Variants in ERC2 observed in about 807,000 individuals in gnomAD.
ERC2 encodes the protein ELKS/RAB6-interacting/CAST family member 2.
Under a neutral mutation model 114.8 loss-of-function variants are expected in ERC2, and 42 were observed. The ratio of observed to expected loss-of-function variants is 0.37; its 90% confidence interval spans 0.29 to 0.47. The LOEUF (loss-of-function observed/expected upper bound fraction) is 0.47. Ranked by LOEUF, ERC2 falls within the 20% of genes least tolerant of loss-of-function variation. The pLI, the probability that ERC2 is intolerant of heterozygous loss-of-function variation, is 0.99. For missense variants in ERC2, 939 were observed against 1,150.7 expected, an observed-to-expected ratio of 0.82 and a Z score of 2.66; for synonymous variants, 454 against 425.5, an observed-to-expected ratio of 1.07 and a Z score of -0.82.
rs1034433874 is a variant in ERC2, at chr3:55,510,655, C to T, written c.*661G>A. On this transcript the variant is annotated 3_prime_UTR_variant, in exon 18 of 18. Transcript: ENST00000288221. ...GGCCCAGAGGTGACTACTGGTTACA[C>T]CCTCAAAATGCGGTTCTTCAAACAA... 6.6e-6 allele frequency: 1 copy of T among 152,588 alleles called. No individual in the cohort carries two copies. The highest frequency in any genetic ancestry group is 2.4e-5 in the African/African-American group (1 of 41,438). 9.5% of individuals were successfully genotyped at this position (152,588 alleles called of 1,614,324 possible).
chr3:55,570,153 C>T (rs1251534122), intron 17 of ERC2, among the ~76,000 whole-genome samples: 1 of 152,122 alleles, frequency 6.6e-6, no homozygotes, highest in African/African-American at 2.4e-5. Context: ...AGTCATCATG[C>T]CCGACCCCCC....
At chr3:56,085,518 T>C (rs1267019569) in intron 6 of ERC2, among the ~76,000 whole-genome samples, 1 of 152,186 alleles carries the variant, frequency 6.6e-6, no homozygotes, top group East Asian at 1.9e-4. Context: ...ACTCACGTCC[T>C]GGGGATCTTC....
At chr3:56,028,969 T>G (rs1203889635) in intron 7 of ERC2, among the ~76,000 whole-genome samples, 2 of 152,106 alleles carry the variant, frequency 1.3e-5, no homozygotes, top group African/African-American at 4.8e-5. Flanking sequence ...CAAGCTGAGA[T>G]AGCTCTCCTC....
intron 17 of ERC2, among the ~76,000 whole-genome samples, chr3:55,673,456 G>A (rs186583522): frequency 2.6e-5 from 4 of 152,268 alleles, no homozygotes; most frequent in Admixed American, 2.6e-4. Context: ...GGTGGCGCAC[G>A]CCTGTACTCC....
intron 2 of ERC2, among the ~76,000 whole-genome samples, chr3:56,348,906 A>AGG: frequency 1.2e-4 from 3 of 24,400 alleles, no homozygotes; most frequent in African/African-American, 2.6e-4. Context: ...GAAGGAAGGA[A>AGG]AGAAGGAAGG....
At chr3:55,596,114 AG>A (rs2058114502) in intron 17 of ERC2, among the ~76,000 whole-genome samples, 1 of 152,194 alleles carries the variant, frequency 6.6e-6, no homozygotes, top group South Asian at 2.1e-4. Context: ...CCAAACCAGT[AG>A]GGGGAAAATA....
chr3:55,890,262 T>C (rs533912234), intron 13 of ERC2, among the ~76,000 whole-genome samples: 28 of 152,316 alleles, frequency 1.8e-4, no homozygotes, highest in African/African-American at 6.7e-4. Flanking sequence ...CTATTTTTGA[T>C]AGAAAATAGC....
chr3:56,431,474 C>T (rs2061785902), intron 2 of ERC2, among the ~76,000 whole-genome samples: 2 of 152,192 alleles, frequency 1.3e-5, no homozygotes, highest in South Asian at 4.1e-4. Context: ...GATCCTGAGT[C>T]ACTGCATGGA....
At chr3:55,957,570 C>T (rs1259197145) in intron 12 of ERC2, among the ~76,000 whole-genome samples, 1 of 152,188 alleles carries the variant, frequency 6.6e-6, no homozygotes, top group Non-Finnish European at 1.5e-5. Context: ...AAAGTGGGTT[C>T]GTTCAACCCA....
chr3:55,830,992 A>G (rs2060543341), intron 14 of ERC2, among the ~76,000 whole-genome samples: 1 of 151,884 alleles, frequency 6.6e-6, no homozygotes, highest in Non-Finnish European at 1.5e-5. Context: ...GTCAATAGAT[A>G]AATTAAAATA....
chr3:56,249,998 C>T (rs1201383109), intron 3 of ERC2, among the ~76,000 whole-genome samples: 1 of 151,556 alleles, frequency 6.6e-6, no homozygotes, highest in Non-Finnish European at 1.5e-5. Flanking sequence ...GCTGGGATTA[C>T]AGGCGCCCGC....
At chr3:55,744,264 C>T (rs369990472) in intron 14 of ERC2, among the ~76,000 whole-genome samples, 3 of 152,140 alleles carry the variant, frequency 2.0e-5, no homozygotes, top group East Asian at 3.9e-4. Flanking sequence ...ATTAGCTGGG[C>T]GTGGTAGCGG....
chr3:55,912,020 A>G (rs549029157), intron 13 of ERC2, among the ~76,000 whole-genome samples: 2 of 152,306 alleles, frequency 1.3e-5, no homozygotes, highest in South Asian at 4.1e-4. Flanking sequence ...ATGAACCCCC[A>G]TACATTGGAG....
At chr3:56,385,535 G>A (rs1477566495) in intron 2 of ERC2, among the ~76,000 whole-genome samples, 1 of 152,234 alleles carries the variant, frequency 6.6e-6, no homozygotes, top group South Asian at 2.1e-4. Context: ...AGCAACTAGT[G>A]GGTGAAAACG....
intron 6 of ERC2, among the ~76,000 whole-genome samples, chr3:56,083,798 A>C (rs1450896065): frequency 1.3e-5 from 2 of 152,098 alleles, no homozygotes; most frequent in Non-Finnish European, 2.9e-5. Context: ...CCATAGCAGG[A>C]AGTCAACAGA....
chr3:55,963,084 C>T (rs982588422), intron 12 of ERC2, among the ~76,000 whole-genome samples: 2 of 152,216 alleles, frequency 1.3e-5, no homozygotes, highest in Non-Finnish European at 2.9e-5. Context: ...AAGGTGAGAG[C>T]TCAGCAGCTT....
At chr3:56,411,435 A>C (rs1361384930) in intron 2 of ERC2, among the ~76,000 whole-genome samples, 1 of 151,900 alleles carries the variant, frequency 6.6e-6, no homozygotes, top group African/African-American at 2.4e-5. Flanking sequence ...GGAAAGTATA[A>C]TCCTCACATT....
intron 14 of ERC2, among the ~76,000 whole-genome samples, chr3:55,800,484 C>T (rs766696547): frequency 1.3e-5 from 2 of 151,996 alleles, no homozygotes; most frequent in African/African-American, 2.4e-5. Flanking sequence ...TTTTTTCTCC[C>T]CTTCTGCCCA....
At chr3:55,750,872 C>G (rs953361098) in intron 14 of ERC2, among the ~76,000 whole-genome samples, 12 of 152,266 alleles carry the variant, frequency 7.9e-5, no homozygotes, top group African/African-American at 2.9e-4. Context: ...AAGTTGTTTT[C>G]TGGGGAACAG....
Sources: allele counts gnomAD v4.1 joint callset (sites outside exome capture counted in the v4.1 genomes callset), GRCh38; gene constraint gnomAD v4.1.1; transcripts MANE v1.5; gene names NCBI Gene and HGNC (gene_info 2026-07-23, HGNC 2026-07-21).